Variants in RBFOX1 observed in about 807,000 individuals in gnomAD.
The protein encoded by RBFOX1 is RNA binding protein fox-1 homolog 1.
In RBFOX1, 8 loss-of-function variants were observed where a neutral mutation model predicts 57.7. That is an observed-to-expected ratio of 0.14 (90% CI 0.08 to 0.25). The LOEUF (loss-of-function observed/expected upper bound fraction) is 0.25. RBFOX1 is among the 10% of genes least tolerant of loss of function. The pLI is 1.00. For missense variants in RBFOX1, 611 were observed against 548.5 expected (o/e 1.11, Z -1.14); for synonymous variants, 326 against 222.4 (o/e 1.47, Z -4.15).
chr16:6,994,630 C>G (rs920538566), intron 3 of RBFOX1, among the ~76,000 whole-genome samples: 51 of 152,144 alleles, frequency 3.4e-4, no homozygotes, highest in African/African-American at 1.2e-3. Context: ...TTGATTACAT[C>G]AATAATTCAA....
chr16:5,343,098 C>G (rs535519957), intron 1 of RBFOX1, among the ~76,000 whole-genome samples: 3 of 152,174 alleles, frequency 2.0e-5, no homozygotes, highest in Non-Finnish European at 4.4e-5. Context: ...AGGCTTAGGA[C>G]TTTTGTTCTT....
rs550891041 is a variant in RBFOX1 at position 5,420,557 on chromosome 16, G to A, written c.220-46659G>A. Among the ~76,000 whole-genome samples the A allele has an allele frequency of 1.8e-3, 268 of 152,136 alleles. 1 individual carries two copies. The highest frequency in any genetic ancestry group is 6.0e-3 in the African/African-American group (249 of 41,496). On this transcript the variant is annotated intron_variant, in intron 1 of 2. Transcript: ENST00000585867. Reference sequence around the variant, plus strand: ...AGGGTCTCACTCTGTCATCCAGGCTGGAGTGCAGTGGTGCAATCATGGCCC... The same window carrying A: ...AGGGTCTCACTCTGTCATCCAGGCTAGAGTGCAGTGGTGCAATCATGGCCC...
chr16:6,950,252 C>A (rs2080438332), intron 3 of RBFOX1, among the ~76,000 whole-genome samples: 1 of 151,876 alleles, frequency 6.6e-6, no homozygotes, highest in Non-Finnish European at 1.5e-5. Context: ...GCCACCATGT[C>A]CGGCCAGCAC....
chr16:5,545,727 C>G (rs1019589299), intron 2 of RBFOX1, among the ~76,000 whole-genome samples: 2 of 152,012 alleles, frequency 1.3e-5, no homozygotes, highest in Non-Finnish European at 2.9e-5. Context: ...TATGAAAAAT[C>G]TCTTTCATAC....
At chr16:7,573,615 C>G (rs1429279012) in intron 5 of RBFOX1, among the ~76,000 whole-genome samples, 3 of 152,052 alleles carry the variant, frequency 2.0e-5, no homozygotes, top group South Asian at 2.1e-4. Flanking sequence ...AGGCCGATCA[C>G]TTGAGGTTAG....
chr16:5,357,684 A>T (rs187987750), intron 1 of RBFOX1, among the ~76,000 whole-genome samples: 2 of 152,310 alleles, frequency 1.3e-5, no homozygotes, highest in East Asian at 3.9e-4. Flanking sequence ...GTTTCAGCAG[A>T]GTCTTAAGGC....
At chr16:6,995,850 A>G (rs185366925) in intron 3 of RBFOX1, among the ~76,000 whole-genome samples, 1 of 152,326 alleles carries the variant, frequency 6.6e-6, no homozygotes, top group East Asian at 1.9e-4. Context: ...AGATTTTATA[A>G]CTCAACAGAC....
chr16:6,652,833 T>C (rs1694360087), intron 2 of RBFOX1, among the ~76,000 whole-genome samples: 1 of 152,044 alleles, frequency 6.6e-6, no homozygotes, highest in South Asian at 2.1e-4. Flanking sequence ...TGGAGGGTGG[T>C]GATGGTTGCA....
intron 4 of RBFOX1, among the ~76,000 whole-genome samples, chr16:7,306,580 CGTGTGTGTGT>C (rs58761346): frequency 6.7e-6 from 1 of 148,934 alleles, no homozygotes; most frequent in Non-Finnish European, 1.5e-5. Flanking sequence ...GAATGGTGTG[CGTGTGTGTGT>C]GTGTGTGTGT....
In RBFOX1 at chr16:6,506,624, A is replaced by ATTTTTT. The variant is rs71145238; in HGVS notation, c.-63-147943_-63-147938dup. Among the ~76,000 whole-genome samples the ATTTTTT allele has an allele frequency of 5.3e-4, 52 of 98,450 alleles. 3 individuals carry two copies. The highest frequency in any genetic ancestry group is 1.9e-3 in the African/African-American group (44 of 22,964). The allele number at this position is 98,450 out of a possible 152,430, so 64.6% of individuals were successfully genotyped here. A position where few individuals can be genotyped will look rare whatever the true frequency, so the allele number is the denominator to read the frequency against. On this transcript the variant is annotated intron_variant, in intron 2 of 15. Coordinates refer to ENST00000550418, the MANE Select transcript of RBFOX1 (RefSeq NM_018723.4). ...ACGGTAATAACAATCACAGTAGCTA[A>ATTTTTT]TTTTTTTTTTTTTTTTTTTTTTTTT...
chr16:6,759,002 G>C (rs936740344), intron 3 of RBFOX1, among the ~76,000 whole-genome samples: 1 of 152,078 alleles, frequency 6.6e-6, no homozygotes, highest in African/African-American at 2.4e-5. Context: ...TTCAGACAAT[G>C]ATGAGCTAGT....
At chr16:5,663,903 G>C (rs1023611322) in intron 3 of RBFOX1, among the ~76,000 whole-genome samples, 6 of 152,120 alleles carry the variant, frequency 3.9e-5, no homozygotes, top group Non-Finnish European at 8.8e-5. Flanking sequence ...TCCTATTTTT[G>C]TTCCAGTTGA....
intron 1 of RBFOX1, among the ~76,000 whole-genome samples, chr16:6,031,884 A>C (rs1166029687): frequency 6.6e-6 from 1 of 152,198 alleles, no homozygotes; most frequent in Non-Finnish European, 1.5e-5. Flanking sequence ...CACAGGAGGC[A>C]GACCCCAGCC....
intron 14 of RBFOX1, among the ~76,000 whole-genome samples, chr16:7,698,147 G>A (rs1033556103): frequency 6.6e-6 from 1 of 151,560 alleles, no homozygotes; most frequent in African/African-American, 2.4e-5. Flanking sequence ...ACCCCAGACA[G>A]GTTGAAACAG....
At chr16:7,488,586 T>C (rs1017860689) in intron 4 of RBFOX1, among the ~76,000 whole-genome samples, 3 of 152,074 alleles carry the variant, frequency 2.0e-5, no homozygotes, top group African/African-American at 4.8e-5. Context: ...CATTCTGACA[T>C]CGTCTATCTA....
intron 4 of RBFOX1, among the ~76,000 whole-genome samples, chr16:7,506,985 G>T (rs1315173809): frequency 6.6e-6 from 1 of 152,114 alleles, no homozygotes; most frequent in Non-Finnish European, 1.5e-5. Flanking sequence ...ATACATTCCA[G>T]TAGATTTTTC....
chr16:7,380,503 G>T (rs1053195084), intron 4 of RBFOX1, among the ~76,000 whole-genome samples: 1 of 152,138 alleles, frequency 6.6e-6, no homozygotes, highest in Non-Finnish European at 1.5e-5. Flanking sequence ...ACATCTGTCT[G>T]GTAATCATCT....
At chr16:6,744,529 T>C (rs2073104431) in intron 3 of RBFOX1, among the ~76,000 whole-genome samples, 3 of 152,018 alleles carry the variant, frequency 2.0e-5, no homozygotes, top group South Asian at 2.1e-4. Context: ...TAGAAATAAA[T>C]GACAGAAATA....
intron 2 of RBFOX1, among the ~76,000 whole-genome samples, chr16:6,368,058 C>T (rs1315913387): frequency 5.9e-5 from 9 of 152,182 alleles, no homozygotes; most frequent in African/African-American, 2.2e-4. Context: ...GTCACCCCCT[C>T]ACACAGGCTC....
Sources: gnomAD v4.1 joint callset for allele counts (sites outside exome capture counted in the v4.1 genomes callset) on GRCh38, gnomAD v4.1.1 for gene constraint, MANE v1.5 for transcripts, NCBI Gene and HGNC (gene_info 2026-07-23, HGNC 2026-07-21) for gene names.